Variants in PDZRN4 observed in about 807,000 individuals in gnomAD.
PDZRN4 encodes PDZ domain containing ring finger 4, also known as PDZ domain-containing RING finger protein 4.
In PDZRN4, 70 loss-of-function variants were observed where a neutral mutation model predicts 99.0. That is an observed-to-expected ratio of 0.71 (90% CI 0.58 to 0.86). PDZRN4 has a LOEUF of 0.86. Among genes scored for constraint, PDZRN4 ranks in the 40% least tolerant of loss-of-function variants. The probability of loss-of-function intolerance (pLI) is 0.00; values close to 1 mark genes in which losing one functional copy is unlikely to be tolerated. For missense variants in PDZRN4, 1,474 were observed against 1,331.2 expected (o/e 1.11, Z -1.67); for synonymous variants, 551 against 501.6 (o/e 1.10, Z -1.32).
chr12:41,489,461 G>T (rs1342169832), intron 3 of PDZRN4, among the ~76,000 whole-genome samples: 1 of 152,048 alleles, frequency 6.6e-6, no homozygotes, highest in African/African-American at 2.4e-5. Context: ...TCCCACAGCT[G>T]CTCCTCTCTG....
In PDZRN4 at chr12:41,570,799, G is replaced by A. The variant is rs868824919; in HGVS notation, c.1585-1565G>A. On this transcript the variant is annotated intron_variant, in intron 9 of 9. Coordinates refer to ENST00000402685, the MANE Select transcript of PDZRN4 (RefSeq NM_001164595.2). ...GGATGCAGCAAGCTTCCCATTGTTC[G>A]TTACAGTTACTTATTATAATTTTTT... 3.3e-5 allele frequency among the ~76,000 whole-genome samples: 5 copies of A among 152,064 alleles called. No individual in the cohort carries two copies. The South Asian group carries it at 6.2e-4, about 19-fold the overall frequency.
At chr12:41,496,961 AG>A (rs2120646876) in intron 3 of PDZRN4, among the ~76,000 whole-genome samples, 1 of 152,190 alleles carries the variant, frequency 6.6e-6, no homozygotes, top group South Asian at 2.1e-4. Context: ...CCTCTGGTGA[AG>A]ATACTTTACC....
chr12:41,289,579 G>C (rs75330314), intron 3 of PDZRN4, among the ~76,000 whole-genome samples: 1 of 152,188 alleles, frequency 6.6e-6, no homozygotes. Flanking sequence ...TTATGTAATA[G>C]AGGGCCTTTT....
intron 3 of PDZRN4, among the ~76,000 whole-genome samples, chr12:41,214,252 TAAAAAAAAAAAA>T (rs60618442): frequency 1.2e-5 from 1 of 84,756 alleles, no homozygotes; most frequent in Non-Finnish European, 2.2e-5. Context: ...ACCCTGTATT[TAAAAAAAAAAAA>T]AAAAAAAAAA....
At position 41,449,063 on chromosome 12, in the gene PDZRN4, C is replaced by CA. The variant is rs369637284; in HGVS notation, c.844-57387dup. On this transcript the variant is annotated intron_variant, in intron 3 of 9. Coordinates refer to ENST00000402685, the MANE Select transcript of PDZRN4 (RefSeq NM_001164595.2). The stretch of plus-strand genomic sequence containing the variant: ...CTCATCTTAAGATCTCCAGTCATGA[C>CA]AAAAAATGATAGAATTTTTATTATT... Among the ~76,000 whole-genome samples, 596 of 152,128 alleles carry CA rather than the reference C, an allele frequency of 3.9e-3. 2 individuals are homozygous for CA. The highest frequency in any genetic ancestry group is 0.014 in the African/African-American group (578 of 41,512).
chr12:41,344,111 A>C (rs918124491), intron 3 of PDZRN4, among the ~76,000 whole-genome samples: 2 of 152,136 alleles, frequency 1.3e-5, no homozygotes, highest in South Asian at 2.1e-4. Flanking sequence ...GTTAGAATCT[A>C]TACTGGTGAT....
At chr12:41,495,426 A>G (rs1242616343) in intron 3 of PDZRN4, among the ~76,000 whole-genome samples, 1 of 152,096 alleles carries the variant, frequency 6.6e-6, no homozygotes, top group Non-Finnish European at 1.5e-5. Context: ...TGGCTGTTAT[A>G]GAAAATCTGC....
intron 3 of PDZRN4, among the ~76,000 whole-genome samples, chr12:41,375,645 T>A (rs1952073634): frequency 6.6e-6 from 1 of 152,180 alleles, no homozygotes; most frequent in Non-Finnish European, 1.5e-5. Flanking sequence ...GTATAAAGTA[T>A]ACAATATAAT....
intron 3 of PDZRN4, among the ~76,000 whole-genome samples, chr12:41,324,756 A>C (rs1309902225): frequency 6.6e-6 from 1 of 152,156 alleles, no homozygotes; most frequent in African/African-American, 2.4e-5. Context: ...TTAAAACATG[A>C]CAAGTGTGAA....
At chr12:41,372,980 T>A (rs779719474) in intron 3 of PDZRN4, among the ~76,000 whole-genome samples, 140 of 152,102 alleles carry the variant, frequency 9.2e-4, no homozygotes, top group Non-Finnish European at 1.3e-3. Flanking sequence ...AGGGACAGAG[T>A]ACAAAATAGA....
chr12:41,339,964 A>T (rs1275373784), intron 3 of PDZRN4, among the ~76,000 whole-genome samples: 5 of 152,072 alleles, frequency 3.3e-5, no homozygotes, highest in African/African-American at 1.2e-4. Context: ...ACTTTTGTGC[A>T]CTGTTGGTGG....
At chr12:41,217,174 A>G (rs973753107) in intron 3 of PDZRN4, among the ~76,000 whole-genome samples, 2 of 152,084 alleles carry the variant, frequency 1.3e-5, no homozygotes, top group Admixed American at 6.6e-5. Flanking sequence ...TTCAGTCTTC[A>G]GGTTCAAGCA....
intron 3 of PDZRN4, among the ~76,000 whole-genome samples, chr12:41,311,699 T>C (rs1372356925): frequency 6.6e-6 from 1 of 152,176 alleles, no homozygotes; most frequent in South Asian, 2.1e-4. Context: ...TATGTATGAA[T>C]CATTGACTGT....
At chr12:41,246,673 T>G (rs531491067) in intron 3 of PDZRN4, among the ~76,000 whole-genome samples, 1 of 152,298 alleles carries the variant, frequency 6.6e-6, no homozygotes, top group South Asian at 2.1e-4. Flanking sequence ...CAGCAACTGT[T>G]TCTGCTCTCA....
chr12:41,263,224 C>G (rs928065976), intron 3 of PDZRN4, among the ~76,000 whole-genome samples: 42 of 151,982 alleles, frequency 2.8e-4, no homozygotes, highest in Non-Finnish European at 7.4e-5. Context: ...ACTGATAAAG[C>G]CTTTTTATCA....
intron 5 of PDZRN4, among the ~76,000 whole-genome samples, chr12:41,532,853 T>A (rs1938683550): frequency 1.3e-5 from 2 of 152,168 alleles, no homozygotes; most frequent in African/African-American, 2.4e-5. Flanking sequence ...ACAAATTAAA[T>A]GTAATGTTTT....
intron 2 of PDZRN4, among the ~76,000 whole-genome samples, chr12:41,193,250 G>A (rs1222998752): frequency 6.6e-6 from 1 of 152,152 alleles, no homozygotes; most frequent in Non-Finnish European, 1.5e-5. Context: ...ACATTTAGAT[G>A]ACATCGGGCC....
intron 3 of PDZRN4, among the ~76,000 whole-genome samples, chr12:41,254,756 C>G (rs561356045): frequency 6.6e-6 from 1 of 152,310 alleles, no homozygotes; most frequent in African/African-American, 2.4e-5. Context: ...CAGCCATGCC[C>G]TTGGAAGTGG....
intron 3 of PDZRN4, among the ~76,000 whole-genome samples, chr12:41,346,714 A>T (rs1281310741): frequency 1.3e-5 from 2 of 152,134 alleles, no homozygotes; most frequent in Admixed American, 6.5e-5. Flanking sequence ...TATGCAATTC[A>T]ATGGTTTTGG....
Sources: gnomAD v4.1 joint callset for allele counts (sites outside exome capture counted in the v4.1 genomes callset) on GRCh38, gnomAD v4.1.1 for gene constraint, MANE v1.5 for transcripts, NCBI Gene and HGNC (gene_info 2026-07-23, HGNC 2026-07-21) for gene names.